ARNT: variants seen among roughly 807,000 people sequenced by gnomAD.
ARNT encodes the protein aryl hydrocarbon receptor nuclear translocator.
A neutral mutation model predicts 105.0 loss-of-function variants in ARNT; 30 were observed. The observed-to-expected ratio is 0.29, with a 90% CI of 0.21 to 0.39. ARNT has a LOEUF of 0.39. Ranked by LOEUF, ARNT falls within the 10% of genes least tolerant of loss-of-function variation. The probability of loss-of-function intolerance (pLI) is 1.00; values close to 1 mark genes in which losing one functional copy is unlikely to be tolerated. For synonymous variants in ARNT, 304 were observed against 344.0 expected (o/e 0.88, Z 1.29); for missense variants, 748 against 978.7 (o/e 0.76, Z 3.15).
rs1221397740 is a variant in ARNT at position 150,874,037 on chromosome 1, AAAAAAAT to A, written c.25+2499_25+2505del. ...GAATTGTAAAAAAAAAAAAAAAAAA[AAAAAAAT>A]TAGTACTCCAGCAAAAATACAAAGT... is the stretch of plus-strand genomic sequence containing the variant. On this transcript the variant is annotated intron_variant, in intron 1 of 21. Coordinates refer to ENST00000358595, the MANE Select transcript of ARNT (RefSeq NM_001668.4). Among the ~76,000 whole-genome samples, 3 of 151,132 alleles carry A rather than the reference AAAAAAAT, an allele frequency of 2.0e-5. No individual in the cohort carries two copies. The East Asian group carries it at 5.8e-4, about 29-fold the overall frequency.
rs764098363 is a variant in ARNT at position 150,810,142 on chromosome 1, A to T, written c.*1879T>A. 1 of 231,856 alleles carries T rather than the reference A, an allele frequency of 4.3e-6. No homozygotes were observed. The highest frequency in any genetic ancestry group is 1.8e-4 in the South Asian group (1 of 5,512). The allele number at this position is 231,856 out of a possible 1,614,324, so 14.4% of individuals were successfully genotyped here. A position where few individuals can be genotyped will look rare whatever the true frequency, so the allele number is the denominator to read the frequency against. ...TGTTTGAAAATCTTTGCTACATGTC[A>T]TTATTTTTGCCACTGTAAAGCTTAG... On this transcript the variant is annotated 3_prime_UTR_variant, in exon 22 of 22. Transcript: ENST00000358595.
At chr1:150,861,748 G>A (rs1271568036) in intron 1 of ARNT, among the ~76,000 whole-genome samples, 1 of 152,142 alleles carries the variant, frequency 6.6e-6, no homozygotes, top group Non-Finnish European at 1.5e-5. Context: ...CAAAAAAAAG[G>A]GTCATACTAT....
intron 14 of ARNT, chr1:150,818,235 AG>A (rs1381920261): frequency 2.7e-5 from 13 of 480,214 alleles, no homozygotes; most frequent in African/African-American, 2.5e-4. Flanking sequence ...TCTATGACAC[AG>A]GGGTCATCTT....
rs987112961 is a variant in ARNT, at chr1:150,830,089, T to C, written c.956-109A>G. ...AGACCTATTTATGGGCCAGGCACCG[T>C]GGCTGACGCCTGTAATCCCAACACT... is the stretch of plus-strand genomic sequence containing the variant. On this transcript the variant is annotated intron_variant, in intron 10 of 21. Transcript: ENST00000358595. 4.8e-6 allele frequency: 6 copies of C among 1,245,966 alleles called. No homozygotes were observed. In the African/African-American group the frequency reaches 8.9e-5, roughly 19 times the overall value. The allele number at this position is 1,245,966 out of a possible 1,614,324, so 77.2% of individuals were successfully genotyped here.
chr1:150,847,355 T>G (rs1266926544), intron 3 of ARNT, among the ~76,000 whole-genome samples: 1 of 126,556 alleles, frequency 7.9e-6, no homozygotes, highest in African/African-American at 3.1e-5. Context: ...CACTTGAACC[T>G]GGGAGGCGGA....
intron 13 of ARNT, among the ~76,000 whole-genome samples, chr1:150,825,997 T>C (rs1658157479): frequency 6.6e-6 from 1 of 152,012 alleles, no homozygotes; most frequent in African/African-American, 2.4e-5. Flanking sequence ...CACAGCAACC[T>C]CTGCCTCCCA....
intron 9 of ARNT, 58 bp from the exon 10 acceptor site, chr1:150,831,961 G>A: frequency 9.2e-7 from 1 of 1,090,432 alleles, no homozygotes; most frequent in Non-Finnish European, 1.4e-6. Flanking sequence ...AAAACTCAAA[G>A]GGCAATGCTG....
At chr1:150,831,776 C>A in intron 10 of ARNT, 42 bp downstream of exon 10, 1 of 1,406,234 alleles carries the variant, frequency 7.1e-7, no homozygotes, top group Non-Finnish European at 1.0e-6. Flanking sequence ...TGTGAGGAAC[C>A]AACTGTACCA....
chr1:150,830,014 G>A, intron 10 of ARNT, 34 bp from the exon 11 acceptor site: 1 of 1,606,550 alleles, frequency 6.2e-7, no homozygotes. Context: ...GTTTAACGGG[G>A]ACCTCCAACT....
chr1:150,869,521 G>A (rs1265245569), intron 1 of ARNT, among the ~76,000 whole-genome samples: 3 of 149,894 alleles, frequency 2.0e-5, no homozygotes, highest in African/African-American at 4.9e-5. Context: ...GAATGTTACA[G>A]AAAAGATTTT....
At chr1:150,837,799 T>C (rs1660584711) in intron 6 of ARNT, among the ~76,000 whole-genome samples, 1 of 152,094 alleles carries the variant, frequency 6.6e-6, no homozygotes, top group African/African-American at 2.4e-5. Context: ...AAAATATTTA[T>C]AAATATTCTA....
chr1:150,842,348 A>G, intron 5 of ARNT, 76 bp downstream of exon 5: 1 of 1,559,446 alleles, frequency 6.4e-7, no homozygotes, highest in Non-Finnish European at 8.7e-7. Flanking sequence ...AAAGGGGAAG[A>G]AAAGAAAGAG....
intron 14 of ARNT, among the ~76,000 whole-genome samples, chr1:150,821,989 G>C (rs587748536): frequency 6.6e-6 from 1 of 151,774 alleles, no homozygotes; most frequent in African/African-American, 2.4e-5. Context: ...CACTGCACCT[G>C]TCCAGCATTT....
intron 4 of ARNT, 115 bp downstream of exon 4, chr1:150,846,148 T>C (rs1662160685): frequency 7.4e-6 from 6 of 811,244 alleles, no homozygotes; most frequent in Admixed American, 2.6e-5. Context: ...GGAAAGATAT[T>C]AAACAGAGAA....
intron 8 of ARNT, among the ~76,000 whole-genome samples, chr1:150,833,476 A>T (rs1465046515): frequency 6.6e-6 from 1 of 152,186 alleles, no homozygotes; most frequent in Non-Finnish European, 1.5e-5. Flanking sequence ...TGGGCAACAG[A>T]GCAAGACTCT....
chr1:150,859,793 T>C (rs766561322), intron 1 of ARNT, among the ~76,000 whole-genome samples: 32 of 152,164 alleles, frequency 2.1e-4, no homozygotes, highest in Non-Finnish European at 4.1e-4. Context: ...GCAGATCACT[T>C]GAGCCCAGGA....
Position 150,812,035 on chromosome 1 carries a change from G to C in ARNT, c.2356C>G (p.Pro786Ala), listed in dbSNP as rs1478022649. The part of the protein sequence containing the change: ...EEFPDLTMFP[P>A]FSE Reference sequence around the variant, plus strand: ...CCCCAATAGTTCTATTCTGAAAAGGGGGGAAACATAGTTAGATCAGGGAAT... The same window carrying C: ...CCCCAATAGTTCTATTCTGAAAAGGCGGGAAACATAGTTAGATCAGGGAAT... Residue 786 changes from proline (P) to alanine (A), a missense_variant, in exon 22 of 22, where the codon CCC (proline) becomes GCC (alanine). Pro to Ala is a conservative substitution (Grantham distance 27). Coordinates refer to ENST00000358595, the MANE Select transcript of ARNT (RefSeq NM_001668.4). 6.4e-7 allele frequency: 1 copy of C among 1,563,848 alleles called. No homozygotes were observed. The highest frequency in any genetic ancestry group is 1.4e-5 in the African/African-American group (1 of 72,962).
chr1:150,816,668 C>T, intron 18 of ARNT, 120 bp downstream of exon 18: 1 of 1,199,208 alleles, frequency 8.3e-7, no homozygotes, highest in African/African-American at 1.5e-5. Flanking sequence ...TCACGCTAGG[C>T]CCTACAAGCT....
rs760875607 is a variant in ARNT, at chr1:150,812,055, G to C, written c.2336C>G (p.Pro779Arg). Residue 779 changes from proline to arginine, a missense_variant, in exon 22 of 22, where the codon CCT becomes CGT. Pro to Arg is a moderately radical substitution (Grantham distance 103, BLOSUM62 -2). This residue lies in a region of ARNT where 360 missense variants were observed against 411.9 expected (regional missense o/e 0.87). Transcript: ENST00000358595. ...QSNSYNNEEF[P>R]DLTMFPPFSE Reference sequence around the variant, plus strand: ...AAAGGGGGGAAACATAGTTAGATCAGGGAATTCTTCATTGTTGTAGCTGTT... The same window carrying C: ...AAAGGGGGGAAACATAGTTAGATCACGGAATTCTTCATTGTTGTAGCTGTT... 6.4e-7 allele frequency: 1 copy of C among 1,571,210 alleles called. No homozygotes were observed. The highest frequency in any genetic ancestry group is 1.2e-5 in the South Asian group (1 of 85,140).
Sources: gnomAD v4.1 joint callset for allele counts (sites outside exome capture counted in the v4.1 genomes callset) on GRCh38, gnomAD v4.1.1 for gene constraint, gnomAD v4.1.1 regional missense constraint, MANE v1.5 for transcripts, NCBI Gene and HGNC (gene_info 2026-07-23, HGNC 2026-07-21) for gene names.